Variants in RAPGEF1 observed in about 807,000 individuals in gnomAD.
The protein encoded by RAPGEF1 is Rap guanine nucleotide exchange factor 1.
In RAPGEF1, 33 loss-of-function variants were observed where a neutral mutation model predicts 143.3. The observed-to-expected ratio is 0.23, with a 90% CI of 0.17 to 0.31. RAPGEF1 has a LOEUF of 0.31. RAPGEF1 is among the 10% of genes least tolerant of loss of function. The pLI is 1.00. For synonymous variants in RAPGEF1, 629 were observed against 676.5 expected (o/e 0.93, Z 1.09); for missense variants, 1,199 against 1,645.4 (o/e 0.73, Z 4.69).
At chr9:131,712,581 C>G (rs1425690041) in intron 1 of RAPGEF1, among the ~76,000 whole-genome samples, 1 of 152,300 alleles carries the variant, frequency 6.6e-6, no homozygotes, top group African/African-American at 2.4e-5. Context: ...TCTGGGGCAG[C>G]TCCTCCTGGC....
rs1961070550 is a variant in RAPGEF1 at position 131,621,638 on chromosome 9, T to C, written c.1905+158A>G. Among the ~76,000 whole-genome samples, 1 of 151,994 alleles carries C rather than the reference T, an allele frequency of 6.6e-6. No individual in the cohort carries two copies. Among genetic ancestry groups the C allele is most frequent in the Non-Finnish European group, 1.5e-5 (1 of 67,970 alleles). ...TGCTGGTGAGCATCTAAGGAGGAAGTAAAAGCATCTGTGTGGGAGATGGTG... is the reference window on the plus strand; with the variant it reads ...TGCTGGTGAGCATCTAAGGAGGAAGCAAAAGCATCTGTGTGGGAGATGGTG... On this transcript the variant is annotated intron_variant, in intron 11 of 26. Transcript: ENST00000683357. The surrounding 1 kb of genome is among the most constrained non-coding windows in gnomAD (Gnocchi z 4.5).
intron 12 of RAPGEF1, among the ~76,000 whole-genome samples, chr9:131,615,571 C>T (rs1479034533): frequency 6.6e-6 from 1 of 152,192 alleles, no homozygotes; most frequent in African/African-American, 2.4e-5. Context: ...CCCGGCAGAG[C>T]CTGCGGATGG....
chr9:131,622,081 TA>T, intron 10 of RAPGEF1, 83 bp from the exon 11 acceptor site: 1 of 1,345,760 alleles, frequency 7.4e-7, no homozygotes, highest in Non-Finnish European at 1.0e-6. Context: ...CCACAGCAGC[TA>T]GGGGGCTTTC....
Position 131,601,957 on chromosome 9 carries a change from A to T in RAPGEF1, c.2501+104T>A. The T allele has an allele frequency of 9.1e-6, 7 of 768,764 alleles. No individual in the cohort carries two copies. In the South Asian group the frequency reaches 1.3e-4, roughly 14 times the overall value. 47.6% of individuals were successfully genotyped at this position (768,764 alleles called of 1,614,324 possible). A position where few individuals can be genotyped will look rare whatever the true frequency, so the allele number is the denominator to read the frequency against. ...AAAGAAGGAAGAGTTTCAACTTGAA[A>T]TACCCTCAGGCCTAGGGGCTAGCTG... On this transcript the variant is annotated intron_variant, in intron 15 of 26. Transcript: ENST00000683357.
intron 3 of RAPGEF1, among the ~76,000 whole-genome samples, chr9:131,648,335 G>C (rs1396603587): frequency 1.3e-5 from 2 of 152,224 alleles, no homozygotes; most frequent in Non-Finnish European, 2.9e-5. Flanking sequence ...AGATTGCAGT[G>C]AGCTGAGATT....
chr9:131,584,826 A>G lies in RAPGEF1; in HGVS notation c.3234-230T>C, dbSNP rs1952451396. Among the ~76,000 whole-genome samples, 3 of 152,232 alleles carry G rather than the reference A, an allele frequency of 2.0e-5. No individual in the cohort carries two copies. In the South Asian group the frequency reaches 6.2e-4, roughly 31 times the overall value. On this transcript the variant is annotated intron_variant, in intron 22 of 26. Coordinates refer to ENST00000683357, the MANE Select transcript of RAPGEF1 (RefSeq NM_001377935.1). This position sits in a 1 kb window ranked among gnomAD's most constrained non-coding sequence, Gnocchi z 6.8. The stretch of plus-strand genomic sequence containing the variant: ...TCTGGTGACAATAAATCTGGTGACC[A>G]TAAGGAAATCTGGTGAAGGCCCAAA...
intron 12 of RAPGEF1, among the ~76,000 whole-genome samples, chr9:131,605,759 CTTTCT>C (rs1209987801): frequency 2.7e-4 from 29 of 107,610 alleles, no homozygotes; most frequent in African/African-American, 3.8e-4. Context: ...TTCTTTCTTT[CTTTCT>C]TTTTTTTTTT....
At position 131,592,149 on chromosome 9, in the gene RAPGEF1, G is replaced by A; in HGVS notation, c.2724C>T (p.Thr908=). ...LVLYCEAFLT[T]YRTFISPEEL... ...CCTCTGGGGAGATGAAGGTCCTGTA[G>A]GTGGTCAGGAATGCCTCGCAGTACA... The change falls in exon 18 of 27, where the codon ACC becomes ACT. Residue 908 remains threonine, a synonymous_variant. Transcript: ENST00000683357. 1 of 1,612,520 alleles carries A rather than the reference G, an allele frequency of 6.2e-7. No individual in the cohort carries two copies. The highest frequency in any genetic ancestry group is 8.5e-7 in the Non-Finnish European group (1 of 1,178,794).
intron 1 of RAPGEF1, among the ~76,000 whole-genome samples, chr9:131,726,875 G>A (rs564437820): frequency 2.0e-4 from 31 of 152,136 alleles, no homozygotes; most frequent in South Asian, 8.3e-4. Flanking sequence ...GTGGTGGTAC[G>A]CACCTGTAGT....
Position 131,650,123 on chromosome 9 carries a change from A to G in RAPGEF1, c.315+6T>C, listed in dbSNP as rs2133430075. On this transcript the variant is annotated splice_donor_region_variant and intron_variant, in intron 3 of 26. Coordinates refer to ENST00000683357, the MANE Select transcript of RAPGEF1 (RefSeq NM_001377935.1). This position sits in a 1 kb window ranked among gnomAD's most constrained non-coding sequence, Gnocchi z 4.7. ...CAAACCCAATTGTTCTTAATGTTAC[A>G]CTGACCTTCTGCCTTTGAGACCTGG... is the stretch of plus-strand genomic sequence containing the variant. 6.2e-7 allele frequency: 1 copy of G among 1,603,300 alleles called. No homozygotes were observed. Among genetic ancestry groups the G allele is most frequent in the East Asian group, 2.2e-5 (1 of 44,842 alleles).
At chr9:131,733,591 AC>A (rs1415846878) in intron 1 of RAPGEF1, among the ~76,000 whole-genome samples, 1 of 152,042 alleles carries the variant, frequency 6.6e-6, no homozygotes, top group Non-Finnish European at 1.5e-5. Flanking sequence ...TAATTCACAA[AC>A]GGTGGGTTTT....
chr9:131,731,147 T>TA (rs1437485980), intron 1 of RAPGEF1, among the ~76,000 whole-genome samples: 1 of 152,216 alleles, frequency 6.6e-6, no homozygotes, highest in African/African-American at 2.4e-5. Context: ...CTCTGTGTCT[T>TA]AGTCTCCTCC....
chr9:131,736,330 T>A (rs1294376515), intron 1 of RAPGEF1, among the ~76,000 whole-genome samples: 2 of 152,092 alleles, frequency 1.3e-5, no homozygotes, highest in African/African-American at 2.4e-5. Context: ...TTCCTGGCCC[T>A]CCAAATTCAA....
At chr9:131,730,120 G>A (rs746854711) in intron 1 of RAPGEF1, among the ~76,000 whole-genome samples, 2 of 149,692 alleles carry the variant, frequency 1.3e-5, no homozygotes, top group Non-Finnish European at 3.0e-5. Context: ...CGTGAACCCG[G>A]GAGGTGGAGC....
chr9:131,681,388 T>C (rs1051267719), intron 1 of RAPGEF1, among the ~76,000 whole-genome samples: 1 of 152,206 alleles, frequency 6.6e-6, no homozygotes, highest in African/African-American at 2.4e-5. Flanking sequence ...CAGTTCCCTG[T>C]TAGAATACAC....
At chr9:131,653,666 A>T (rs1971682045) in intron 1 of RAPGEF1, among the ~76,000 whole-genome samples, 1 of 152,234 alleles carries the variant, frequency 6.6e-6, no homozygotes, top group Non-Finnish European at 1.5e-5. Flanking sequence ...AACGCCCTAC[A>T]CATTGCTGGT....
Position 131,700,131 on chromosome 9 carries a change from T to C in RAPGEF1, c.61+39639A>G, listed in dbSNP as rs566504368. On this transcript the variant is annotated intron_variant, in intron 1 of 26. Transcript: ENST00000683357. ...CGTCCTAGACTACTCTTTCTCTCTT[T>C]CACCCCATACTCAACCCCTCAGTAA... 9.9e-5 allele frequency among the ~76,000 whole-genome samples: 15 copies of C among 152,248 alleles called. No homozygotes were observed. In the South Asian group the frequency reaches 3.1e-3, roughly 32 times the overall value.
chr9:131,710,274 G>A (rs959696214), intron 1 of RAPGEF1, among the ~76,000 whole-genome samples: 3 of 152,062 alleles, frequency 2.0e-5, no homozygotes, highest in Admixed American at 6.5e-5. Flanking sequence ...AACACAAAAC[G>A]AAACAAAACA....
At chr9:131,644,191 C>A (rs1968875443) in intron 3 of RAPGEF1, among the ~76,000 whole-genome samples, 2 of 152,124 alleles carry the variant, frequency 1.3e-5, no homozygotes, top group Admixed American at 1.3e-4. Context: ...AAGCCACAAC[C>A]CCAAGCTTTT....
Sources: allele counts gnomAD v4.1 joint callset (sites outside exome capture counted in the v4.1 genomes callset), GRCh38; gene constraint gnomAD v4.1.1; non-coding constraint Gnocchi (gnomAD v3.1); transcripts MANE v1.5; gene names NCBI Gene and HGNC (gene_info 2026-07-23, HGNC 2026-07-21).